MRE11: variants seen among roughly 807,000 people sequenced by gnomAD.
MRE11 encodes the protein double-strand break repair protein MRE11.
Under a neutral mutation model 91.7 loss-of-function variants are expected in MRE11, and 62 were observed. The ratio of observed to expected loss-of-function variants is 0.68; its 90% CI spans 0.55 to 0.84. The LOEUF is 0.84. Among genes scored for constraint, MRE11 ranks in the 40% least tolerant of loss-of-function variants. The pLI, the probability that MRE11 is intolerant of heterozygous loss-of-function variation, is 0.00. For missense variants in MRE11, 796 were observed against 852.9 expected, an observed-to-expected ratio of 0.93 and a Z score of 0.83; for synonymous variants, 273 against 271.4, an observed-to-expected ratio of 1.01 and a Z score of -0.06.
At chr11:94,467,938 T>A (rs1475920149) in intron 9 of MRE11, 45 bp from the exon 10 acceptor site, 1 of 1,505,104 alleles carries the variant, frequency 6.6e-7, no homozygotes. Context: ...GTAAACTGAG[T>A]TTAACTTGGC....
chr11:94,478,956 GCATACTC>G (rs1313324840), intron 5 of MRE11, 80 bp from the exon 6 acceptor site: 1 of 1,436,154 alleles, frequency 7.0e-7, no homozygotes. Context: ...CCTGTTAAAA[GCATACTC>G]CATATTCTAC....
At chr11:94,441,645 C>T (rs1305265433) in intron 16 of MRE11, among the ~76,000 whole-genome samples, 1 of 152,216 alleles carries the variant, frequency 6.6e-6, no homozygotes, top group East Asian at 1.9e-4. Context: ...CTTCAGAAAA[C>T]TTCTAAAAAC....
At chr11:94,426,764 C>T (rs765715856) in intron 19 of MRE11, among the ~76,000 whole-genome samples, 3 of 152,096 alleles carry the variant, frequency 2.0e-5, no homozygotes, top group Non-Finnish European at 2.9e-5. Flanking sequence ...TCTTTAGAGA[C>T]TACTATGAAT....
At chr11:94,480,696 G>C (rs116616392) in intron 4 of MRE11, among the ~76,000 whole-genome samples, 65 of 152,200 alleles carry the variant, frequency 4.3e-4, no homozygotes, top group Non-Finnish European at 7.6e-4. Flanking sequence ...TGCAATGGCA[G>C]TGCACAAGAG....
At chr11:94,420,212 AT>A in intron 19 of MRE11, 31 bp from the exon 20 acceptor site, 1 of 1,545,258 alleles carries the variant, frequency 6.5e-7, no homozygotes. Context: ...TGTATTAGTG[AT>A]TGTTCCCTGC....
At chr11:94,485,318 G>A (rs1947112526) in intron 4 of MRE11, among the ~76,000 whole-genome samples, 1 of 151,384 alleles carries the variant, frequency 6.6e-6, no homozygotes, top group Non-Finnish European at 1.5e-5. Context: ...ATCATAAATA[G>A]TCCCAAAGGC....
chr11:94,440,870 G>A (rs1392533961), intron 16 of MRE11, among the ~76,000 whole-genome samples: 2 of 152,134 alleles, frequency 1.3e-5, no homozygotes, highest in Non-Finnish European at 2.9e-5. Flanking sequence ...TAAAAGGGGA[G>A]TTCATCTAAC....
At chr11:94,475,966 T>C (rs921266622) in intron 7 of MRE11, among the ~76,000 whole-genome samples, 7 of 152,008 alleles carry the variant, frequency 4.6e-5, no homozygotes, top group African/African-American at 1.4e-4. Context: ...ATGCTTCCCT[T>C]TGGGATAGGG....
intron 19 of MRE11, among the ~76,000 whole-genome samples, chr11:94,426,951 C>T (rs1308074516): frequency 6.6e-6 from 1 of 152,170 alleles, no homozygotes; most frequent in African/African-American, 2.4e-5. Flanking sequence ...CATGGATTCA[C>T]AGCCATATTC....
At chr11:94,447,775 GCAGTGAGCTATGATCACACCACTGCACTC>G (rs1320422060) in intron 14 of MRE11, among the ~76,000 whole-genome samples, 2 of 151,932 alleles carry the variant, frequency 1.3e-5, no homozygotes, top group East Asian at 3.9e-4. Flanking sequence ...GATACAGGCT[GCAGTGAGCTATGATCACACCACTGCACTC>G]CAGCCTGGGT....
In MRE11 at chr11:94,437,198, G is replaced by A; in HGVS notation, c.1905C>T (p.Val635=). The stretch of plus-strand genomic sequence containing the variant: ...TTACCTCTGAATAATTCTTAGTAGT[G>A]ACATTTCGGGAAGGCTGCTGTCTTG... ...KSTRQQPSRN[V]TTKNYSEVIE... Residue 635 remains valine (V), a synonymous_variant, in exon 17 of 20, where the codon GTC becomes GTT. Transcript: ENST00000323929. 6.2e-7 allele frequency: 1 copy of A among 1,612,804 alleles called. No homozygotes were observed. Among genetic ancestry groups the A allele is most frequent in the Non-Finnish European group, 8.5e-7 (1 of 1,179,364 alleles).
chr11:94,489,816 C>G (rs540054392), intron 3 of MRE11, among the ~76,000 whole-genome samples: 1 of 152,162 alleles, frequency 6.6e-6, no homozygotes. Flanking sequence ...GTCTCCAACT[C>G]TAAGTTTGTC....
intron 19 of MRE11, among the ~76,000 whole-genome samples, chr11:94,429,402 C>T (rs1485116351): frequency 6.6e-6 from 1 of 152,168 alleles, no homozygotes; most frequent in Non-Finnish European, 1.5e-5. Flanking sequence ...GCAGCACTTA[C>T]TCACAGTAGC....
At chr11:94,449,200 G>C (rs1946027595) in intron 14 of MRE11, among the ~76,000 whole-genome samples, 1 of 152,196 alleles carries the variant, frequency 6.6e-6, no homozygotes, top group Non-Finnish European at 1.5e-5. Context: ...TGGGACTGAA[G>C]TGGCAACTTC....
chr11:94,436,047 A>G (rs773299373), intron 17 of MRE11, 148 bp from the exon 18 acceptor site: 17 of 747,924 alleles, frequency 2.3e-5, no homozygotes, highest in Non-Finnish European at 4.0e-5. Flanking sequence ...TAAAACTAAC[A>G]CTCAGTCTGA....
At chr11:94,428,941 G>T (rs77187798) in intron 19 of MRE11, among the ~76,000 whole-genome samples, 1 of 150,904 alleles carries the variant, frequency 6.6e-6, no homozygotes, top group Admixed American at 6.6e-5. Context: ...CACAAAATAC[G>T]TATCCAACAA....
At position 94,493,806 on chromosome 11, in the gene MRE11, G is replaced by A. The variant is rs1018747728; in HGVS notation, c.-121C>T. On this transcript the variant is annotated 5_prime_UTR_variant, in exon 1 of 20. Coordinates refer to ENST00000323929, the MANE Select transcript of MRE11 (RefSeq NM_005591.4). ...CTGAACTTGCCTCTGAGAACCCGCAGGGCCGTAAACCTGAATTCCGCGGGA... is the reference window on the plus strand; with the variant it reads ...CTGAACTTGCCTCTGAGAACCCGCAAGGCCGTAAACCTGAATTCCGCGGGA... The A allele has an allele frequency of 6.6e-6, 1 of 152,256 alleles. No individual in the cohort carries two copies. The highest frequency in any genetic ancestry group is 2.1e-4 in the South Asian group (1 of 4,834). The allele number at this position is 152,256 out of a possible 1,614,324, so 9.4% of individuals were successfully genotyped here.
At chr11:94,435,050 G>C (rs1425328188) in intron 18 of MRE11, among the ~76,000 whole-genome samples, 2 of 152,164 alleles carry the variant, frequency 1.3e-5, no homozygotes, top group African/African-American at 4.8e-5. Flanking sequence ...AAGCTTAACA[G>C]CAATAGGCAA....
chr11:94,436,752 G>A (rs939282093), intron 17 of MRE11, among the ~76,000 whole-genome samples: 4 of 152,160 alleles, frequency 2.6e-5, no homozygotes, highest in South Asian at 2.1e-4. Context: ...CACATGGATC[G>A]CTGGACTCCA....
Sources: gnomAD v4.1 joint callset for allele counts (sites outside exome capture counted in the v4.1 genomes callset) on GRCh38, gnomAD v4.1.1 for gene constraint, MANE v1.5 for transcripts, NCBI Gene and HGNC (gene_info 2026-07-23, HGNC 2026-07-21) for gene names.